GOLGA4: variants seen among roughly 807,000 people sequenced by gnomAD.
GOLGA4 encodes the protein golgin subfamily A member 4.
GOLGA4 carries 169 observed loss-of-function variants against 265.9 expected under a neutral mutation model. The ratio of observed to expected loss-of-function variants is 0.64; its 90% CI spans 0.56 to 0.72. The LOEUF (loss-of-function observed/expected upper bound fraction) is 0.72, where lower values mean the gene tolerates loss of function less well. Among genes scored for constraint, GOLGA4 ranks in the 30% least tolerant of loss-of-function variants. The probability of loss-of-function intolerance (pLI) is 0.00; values close to 1 mark genes in which losing one functional copy is unlikely to be tolerated. For missense variants in GOLGA4, 2,482 were observed against 2,483.4 expected, an observed-to-expected ratio of 1.00 and a Z score of 0.01; for synonymous variants, 923 against 855.8, an observed-to-expected ratio of 1.08 and a Z score of -1.37.
At chr3:37,308,263 A>T (rs2096912886) in intron 10 of GOLGA4, among the ~76,000 whole-genome samples, 1 of 151,640 alleles carries the variant, frequency 6.6e-6, no homozygotes, top group Non-Finnish European at 1.5e-5. Context: ...AAAGAAAAAG[A>T]AAATTCGGAT....
intron 2 of GOLGA4, among the ~76,000 whole-genome samples, chr3:37,273,782 A>G (rs1428367125): frequency 3.3e-5 from 5 of 152,162 alleles, no homozygotes; most frequent in Non-Finnish European, 7.4e-5. Flanking sequence ...TGAAAGCAAG[A>G]CTGTATTATT....
At chr3:37,256,752 G>A (rs56990886) in intron 2 of GOLGA4, among the ~76,000 whole-genome samples, 47,667 of 151,798 alleles carry the variant, frequency 0.31, 8,138 homozygotes, top group Non-Finnish European at 0.39. Flanking sequence ...AGCAACATGT[G>A]ATGTAGGATC....
Position 37,327,247 on chromosome 3 carries a change from A to G in GOLGA4, c.5361A>G (p.Gln1787=). The change falls in exon 14 of 24, where the codon CAA becomes CAG. Residue 1787 remains glutamine, a synonymous_variant. Coordinates refer to ENST00000361924, the MANE Select transcript of GOLGA4 (RefSeq NM_002078.5). ...AGCTAGAACATGCTGAGGCAAAGCA[A>G]CATGAAGATCAAAGTATGATAGGTC... ...LIKLEHAEAK[Q]HEDQSMIGHL... is the part of the protein sequence containing the mutation. 1 of 1,613,918 alleles carries G rather than the reference A, an allele frequency of 6.2e-7. No individual in the cohort carries two copies. Among genetic ancestry groups the G allele is most frequent in the African/African-American group, 1.3e-5 (1 of 75,062 alleles).
At chr3:37,337,041 A>T (rs918424796) in intron 17 of GOLGA4, 102 bp from the exon 18 acceptor site, 7 of 763,266 alleles carry the variant, frequency 9.2e-6, no homozygotes, top group Non-Finnish European at 1.5e-5. Flanking sequence ...TGAGACTCTT[A>T]ACCCTGACTT....
intron 14 of GOLGA4, among the ~76,000 whole-genome samples, 164 bp from the exon 15 acceptor site, chr3:37,328,252 A>T (rs1446242063): frequency 6.9e-6 from 1 of 144,128 alleles, no homozygotes; most frequent in Non-Finnish European, 1.6e-5. Flanking sequence ...ACACACACAC[A>T]CACACACACA....
chr3:37,278,302 C>T lies in GOLGA4; in HGVS notation c.163-3656C>T, dbSNP rs545164417. On this transcript the variant is annotated intron_variant, in intron 2 of 23. Transcript: ENST00000361924. Reference sequence around the variant, plus strand: ...GCAACCTCTGCCTCCCAGATTCAAACGATTTTCATGCCTCAGCCTCCTGAG... The same window carrying T: ...GCAACCTCTGCCTCCCAGATTCAAATGATTTTCATGCCTCAGCCTCCTGAG... Among the ~76,000 whole-genome samples the T allele has an allele frequency of 4.0e-4, 60 of 151,772 alleles. No individual in the cohort carries two copies. In the East Asian group the frequency reaches 7.9e-3, roughly 20 times the overall value.
chr3:37,275,564 G>A, intron 2 of GOLGA4: 4 of 1,073,336 alleles, frequency 3.7e-6, no homozygotes, highest in South Asian at 1.3e-5. Flanking sequence ...TGAGGAAGGG[G>A]GCCTAGGCCC....
intron 2 of GOLGA4, among the ~76,000 whole-genome samples, chr3:37,280,586 CAA>C (rs932416594): frequency 9.2e-5 from 14 of 152,242 alleles, no homozygotes; most frequent in African/African-American, 3.4e-4. Context: ...AGTACTTAGT[CAA>C]AATGAGTTCA....
At chr3:37,269,993 C>T (rs2096793950) in intron 2 of GOLGA4, among the ~76,000 whole-genome samples, 1 of 146,998 alleles carries the variant, frequency 6.8e-6, no homozygotes, top group African/African-American at 2.5e-5. Context: ...TCCCAGGTAC[C>T]AGTGATTCTC....
At chr3:37,282,367 T>C in intron 3 of GOLGA4, 95 bp downstream of exon 3, 2 of 878,886 alleles carry the variant, frequency 2.3e-6, no homozygotes, top group Non-Finnish European at 3.6e-6. Context: ...TTGGCTAAAC[T>C]GTTAATTCTC....
At chr3:37,276,331 G>T (rs2096818565) in intron 2 of GOLGA4, 1 of 1,605,952 alleles carries the variant, frequency 6.2e-7, no homozygotes, top group Non-Finnish European at 8.5e-7. Flanking sequence ...TCCTCTGTGG[G>T]AATATTCCTC....
At chr3:37,347,357 T>A in intron 21 of GOLGA4, 61 bp downstream of exon 21, 1 of 909,772 alleles carries the variant, frequency 1.1e-6, no homozygotes, top group South Asian at 1.4e-5. Context: ...ATGTTCCACT[T>A]TTAATACACA....
In GOLGA4 at chr3:37,325,731, C is replaced by A; in HGVS notation, c.3845C>A (p.Thr1282Lys). 6.2e-7 allele frequency: 1 copy of A among 1,613,550 alleles called. No individual in the cohort carries two copies. The highest frequency in any genetic ancestry group is 8.5e-7 in the Non-Finnish European group (1 of 1,179,566). ...SELEAQLRQL[T>K]EEQNTLNISF... ...TTAGAAGCACAACTTAGACAGTTGA[C>A]AGAGGAGCAAAATACACTAAATATT... The change falls in exon 14 of 24, where the codon ACA (threonine) becomes AAA (lysine). Residue 1282 changes from threonine to lysine, a missense_variant. By Grantham distance (78) the Thr-to-Lys change is moderately conservative (BLOSUM62 -1). Transcript: ENST00000361924.
chr3:37,348,008 A>AT (rs1559465367), intron 21 of GOLGA4, among the ~76,000 whole-genome samples: 1 of 151,984 alleles, frequency 6.6e-6, no homozygotes, highest in Non-Finnish European at 1.5e-5. Context: ...TTTTTTTGAC[A>AT]TTTTTTACCT....
chr3:37,310,033 T>TTTTG (rs1187602482), intron 10 of GOLGA4, among the ~76,000 whole-genome samples: 1 of 152,348 alleles, frequency 6.6e-6, no homozygotes, highest in South Asian at 2.1e-4. Context: ...CATTCACTCA[T>TTTTG]TTTGTTTGTT....
chr3:37,345,212 T>C (rs1244236423), intron 20 of GOLGA4, among the ~76,000 whole-genome samples: 1 of 152,204 alleles, frequency 6.6e-6, no homozygotes, highest in Non-Finnish European at 1.5e-5. Flanking sequence ...TGTCTCAAAA[T>C]AATAATAATG....
chr3:37,304,317 A>C (rs1026473582), intron 10 of GOLGA4, among the ~76,000 whole-genome samples: 1 of 152,262 alleles, frequency 6.6e-6, no homozygotes, highest in Non-Finnish European at 1.5e-5. Flanking sequence ...TGACTATTTC[A>C]TAAGTATCTC....
At chr3:37,365,948 T>C (rs1696720175) in intron 23 of GOLGA4, 132 bp from the exon 24 acceptor site, 2 of 652,958 alleles carry the variant, frequency 3.1e-6, no homozygotes, top group Non-Finnish European at 5.0e-6. Context: ...TCTGCCTCTT[T>C]ACTGCAGTCT....
rs554216931 is a variant in GOLGA4, at chr3:37,311,152, A to G, written c.1235-4268A>G. ...AACTCTCAGTATATCCTCTTTAAAC[A>G]TAGTGATGAGACTCAGTGTTGGAGG... is the stretch of plus-strand genomic sequence containing the variant. On this transcript the variant is annotated intron_variant, in intron 10 of 23. Coordinates refer to ENST00000361924, the MANE Select transcript of GOLGA4 (RefSeq NM_002078.5). 3.3e-3 allele frequency among the ~76,000 whole-genome samples: 502 copies of G among 152,294 alleles called. 7 individuals are homozygous for G. The South Asian group carries it at 0.049, about 15-fold the overall frequency.
Sources: allele counts gnomAD v4.1 joint callset (sites outside exome capture counted in the v4.1 genomes callset), GRCh38; gene constraint gnomAD v4.1.1; transcripts MANE v1.5; gene names NCBI Gene and HGNC (gene_info 2026-07-23, HGNC 2026-07-21).